The following NEK6 variants were observed in gnomAD, a reference collection of about 807,000 sequenced individuals.
NEK6 encodes NIMA related kinase 6.
NEK6 carries 27 observed loss-of-function variants against 43.5 expected under a neutral mutation model. The ratio of observed to expected loss-of-function variants is 0.62; its 90% confidence interval spans 0.46 to 0.86. The LOEUF is 0.86. Among genes scored for constraint, NEK6 ranks in the 40% least tolerant of loss-of-function variants. NEK6 has a pLI of 0.00. For missense variants in NEK6, 318 were observed against 414.4 expected (o/e 0.77, Z 2.02); for synonymous variants, 167 against 164.1 (o/e 1.02, Z -0.14).
intron 1 of NEK6, chr9:124,292,640 C>T (rs1264565533): frequency 6.9e-7 from 1 of 1,441,198 alleles, no homozygotes; most frequent in East Asian, 2.5e-5. Context: ...CGGTTCTGCT[C>T]TGAAATCCAT....
rs568568475 is a variant in NEK6, at chr9:124,328,404, G to T, written c.622+959G>T. Among the ~76,000 whole-genome samples the T allele has an allele frequency of 3.2e-4, 49 of 152,272 alleles. No homozygotes were observed. In the East Asian group the frequency reaches 6.8e-3, roughly 21 times the overall value. On this transcript the variant is annotated intron_variant, in intron 7 of 9. Coordinates refer to ENST00000320246, the MANE Select transcript of NEK6 (RefSeq NM_014397.6). ...GGGCGAGGGCCCCTGCTTTCTCAGG[G>T]CTATTTCCTGGCTCTTTGAGGTGTG...
Position 124,324,004 on chromosome 9 carries a change from A to G in NEK6, c.406-2326A>G, listed in dbSNP as rs1383213676. On this transcript the variant is annotated intron_variant, in intron 5 of 9. Transcript: ENST00000320246. The surrounding 1 kb of genome is among the most constrained non-coding windows in gnomAD (Gnocchi z 5.3). ...CTCGGGTCCTTCCTCCTCACCTGGC[A>G]TGGTTCCCCCTCCCACAGTCCCCAC... Among the ~76,000 whole-genome samples the G allele has an allele frequency of 2.0e-5, 3 of 151,644 alleles. No homozygotes were observed. The highest frequency in any genetic ancestry group is 4.4e-5 in the Non-Finnish European group (3 of 67,878).
At chr9:124,316,852 C>A (rs148989301) in intron 4 of NEK6, among the ~76,000 whole-genome samples, 3 of 152,332 alleles carry the variant, frequency 2.0e-5, no homozygotes, top group East Asian at 3.9e-4. Flanking sequence ...CAGGAACCAG[C>A]GCCTCCTTGA....
chr9:124,274,310 A>G (rs1831570618), intron 1 of NEK6, among the ~76,000 whole-genome samples: 1 of 152,256 alleles, frequency 6.6e-6, no homozygotes, highest in Non-Finnish European at 1.5e-5. Context: ...CCTGTGTACC[A>G]CAGCCCCTTG....
At chr9:124,282,665 G>A (rs1283265792) in intron 1 of NEK6, among the ~76,000 whole-genome samples, 1 of 152,210 alleles carries the variant, frequency 6.6e-6, no homozygotes, top group African/African-American at 2.4e-5. Context: ...CAGGGGCACG[G>A]GAGGGCCGGG....
At chr9:124,348,753 T>C (rs1329379599) in intron 9 of NEK6, among the ~76,000 whole-genome samples, 2 of 152,220 alleles carry the variant, frequency 1.3e-5, no homozygotes, top group African/African-American at 4.8e-5. Flanking sequence ...CGCTAGTGGG[T>C]GAGTCTGGGG....
chr9:124,320,433 G>A (rs1433562800), intron 4 of NEK6, among the ~76,000 whole-genome samples: 2 of 152,186 alleles, frequency 1.3e-5, no homozygotes. Context: ...CCACGGATGG[G>A]CACAGTGCAT....
intron 1 of NEK6, among the ~76,000 whole-genome samples, chr9:124,269,916 G>A (rs1435674705): frequency 6.6e-6 from 1 of 152,170 alleles, no homozygotes; most frequent in East Asian, 1.9e-4. Context: ...TGCCCTGGGA[G>A]GAATCAACTG....
intron 1 of NEK6, among the ~76,000 whole-genome samples, chr9:124,258,922 G>A (rs1277884369): frequency 2.0e-5 from 3 of 152,246 alleles, no homozygotes; most frequent in Admixed American, 1.3e-4. Context: ...TATCCTCCAG[G>A]CTCTCCTGTC....
chr9:124,317,884 A>G (rs926941452), intron 4 of NEK6, among the ~76,000 whole-genome samples: 4 of 152,206 alleles, frequency 2.6e-5, no homozygotes, highest in African/African-American at 9.6e-5. Flanking sequence ...ATAATATTCT[A>G]TTGTATACAT....
At chr9:124,288,664 C>T (rs759532238) in intron 1 of NEK6, among the ~76,000 whole-genome samples, 8 of 152,166 alleles carry the variant, frequency 5.3e-5, no homozygotes, top group Non-Finnish European at 8.8e-5. Context: ...ATGTAAAGTA[C>T]CTCACTTGGT....
chr9:124,292,199 G>T, intron 1 of NEK6: 1 of 1,257,448 alleles, frequency 8.0e-7, no homozygotes, highest in Admixed American at 3.3e-5. Context: ...GAGCTCCAGG[G>T]ACCTTGACCT....
intron 6 of NEK6, among the ~76,000 whole-genome samples, 196 bp from the exon 7 acceptor site, chr9:124,327,142 C>G (rs1019968550): frequency 1.6e-4 from 24 of 152,292 alleles, no homozygotes; most frequent in African/African-American, 5.8e-4. Flanking sequence ...TGGAGGGAGA[C>G]CCATTTTTCA....
chr9:124,258,499 C>A, intron 1 of NEK6: 1 of 274,092 alleles, frequency 3.6e-6, no homozygotes, highest in Non-Finnish European at 5.6e-6. Flanking sequence ...TGTGTGCATT[C>A]CAAAGTGATT....
At chr9:124,283,352 A>G (rs549824284) in intron 1 of NEK6, among the ~76,000 whole-genome samples, 5 of 152,332 alleles carry the variant, frequency 3.3e-5, no homozygotes, top group African/African-American at 9.6e-5. Context: ...AGGAGAATCT[A>G]TAGGCATTTC....
chr9:124,282,080 T>C (rs145207314), intron 1 of NEK6, among the ~76,000 whole-genome samples: 254 of 152,324 alleles, frequency 1.7e-3, no homozygotes, highest in African/African-American at 5.5e-3. Flanking sequence ...AGGGATATTA[T>C]AACAAATTAC....
intron 1 of NEK6, among the ~76,000 whole-genome samples, chr9:124,297,765 G>T (rs1461746662): frequency 1.3e-5 from 2 of 152,226 alleles, no homozygotes; most frequent in Non-Finnish European, 2.9e-5. Context: ...GGGATCCCGG[G>T]GACGGGCAGT....
chr9:124,315,324 A>G (rs981821905), intron 4 of NEK6, among the ~76,000 whole-genome samples: 1 of 152,182 alleles, frequency 6.6e-6, no homozygotes, highest in Non-Finnish European at 1.5e-5. Context: ...TTGGGGAGAC[A>G]GAAGGCTGGA....
chr9:124,287,184 A>C (rs1017529863), intron 1 of NEK6, among the ~76,000 whole-genome samples: 8 of 152,156 alleles, frequency 5.3e-5, no homozygotes, highest in Admixed American at 5.2e-4. Flanking sequence ...CCTAGGGGCC[A>C]GGAGGTCATG....
Sources: gnomAD v4.1 joint callset for allele counts (sites outside exome capture counted in the v4.1 genomes callset) on GRCh38, gnomAD v4.1.1 for gene constraint, Gnocchi (gnomAD v3.1) non-coding constraint, MANE v1.5 for transcripts, NCBI Gene and HGNC (gene_info 2026-07-23, HGNC 2026-07-21) for gene names.